KIAA0753: variants seen among roughly 807,000 people sequenced by gnomAD.
KIAA0753 encodes the protein KIAA0753.
In KIAA0753, 114 loss-of-function variants were observed where a neutral mutation model predicts 116.9. The observed-to-expected ratio is 0.98, with a 90% CI of 0.84 to 1.14. The LOEUF (loss-of-function observed/expected upper bound fraction) is 1.14. KIAA0753 is among the 50% of genes most tolerant of loss of function. KIAA0753 has a pLI of 0.00. For missense variants in KIAA0753, 1,156 were observed against 1,172.4 expected (o/e 0.99, Z 0.20); for synonymous variants, 405 against 413.1 (o/e 0.98, Z 0.24).
In KIAA0753 at chr17:6,608,280, G is replaced by A. The variant is rs1970317453; in HGVS notation, c.1829+68C>T. On this transcript the variant is annotated intron_variant, in intron 10 of 18. Transcript: ENST00000361413. ...TTAAATGTAGGAAAGAGAAGAAAGG[G>A]TTCACTTCCAAGTCTATGTAAAAGG... The A allele has an allele frequency of 6.4e-6, 4 of 625,228 alleles. No individual in the cohort carries two copies. The South Asian group carries it at 1.4e-4, about 22-fold the overall frequency. 38.7% of individuals were successfully genotyped at this position (625,228 alleles called of 1,614,324 possible). A position where few individuals can be genotyped will look rare whatever the true frequency, so the allele number is the denominator to read the frequency against.
At chr17:6,607,306 C>T in intron 10 of KIAA0753, 36 bp from the exon 11 acceptor site, 4 of 1,537,058 alleles carry the variant, frequency 2.6e-6, no homozygotes, top group Non-Finnish European at 3.6e-6. Context: ...CCAATTCTGC[C>T]TCGACACTGC....
At chr17:6,637,856 C>G (rs369587586) in intron 1 of KIAA0753, 1 of 152,988 alleles carries the variant, frequency 6.5e-6, no homozygotes, top group East Asian at 1.9e-4. Flanking sequence ...CCCACAGTGC[C>G]AGGCATTCCT....
rs943682883 is a variant in KIAA0753 at position 6,639,881 on chromosome 17, C to T, written c.-69+756G>A. 3 of 153,198 alleles carry T rather than the reference C, an allele frequency of 2.0e-5. No individual in the cohort carries two copies. Among genetic ancestry groups the T allele is most frequent in the East Asian group, 1.9e-4 (1 of 5,184 alleles). The allele number at this position is 153,198 out of a possible 1,614,324, so 9.5% of individuals were successfully genotyped here. A position where few individuals can be genotyped will look rare whatever the true frequency, so the allele number is the denominator to read the frequency against. On this transcript the variant is annotated intron_variant, in intron 1 of 18. Transcript: ENST00000361413. This position sits in a 1 kb window ranked among gnomAD's most constrained non-coding sequence, Gnocchi z 4.3. ...CTCTCGCAGCCCCGGGGACTTCTAT[C>T]TTCGGTCTCCTCCTCCCCAGACCCG...
chr17:6,621,826 C>A lies in KIAA0753; in HGVS notation c.1105-828G>T, dbSNP rs556447367. Among the ~76,000 whole-genome samples the A allele has an allele frequency of 2.0e-5, 3 of 152,236 alleles. No homozygotes were observed. The East Asian group carries it at 5.8e-4, about 29-fold the overall frequency. On this transcript the variant is annotated intron_variant, in intron 6 of 18. Transcript: ENST00000361413. ...TATTTTGGCCAATAAATGTTTCTTA[C>A]GGATACGTTAAAAAAGCATCACATG...
chr17:6,590,205 T>TA (rs1968892937), intron 17 of KIAA0753, among the ~76,000 whole-genome samples: 1 of 152,236 alleles, frequency 6.6e-6, no homozygotes, highest in Admixed American at 6.5e-5. Context: ...ATCTGTCCCT[T>TA]AAACAACAGC....
At position 6,596,141 on chromosome 17, in the gene KIAA0753, G is replaced by A. The variant is rs777706241; in HGVS notation, c.2358+17C>T. 1.9e-5 allele frequency: 30 copies of A among 1,607,978 alleles called. No individual in the cohort carries two copies. Among genetic ancestry groups the A allele is most frequent in the African/African-American group, 5.3e-5 (4 of 74,794 alleles). On this transcript the variant is annotated intron_variant, in intron 15 of 18. Coordinates refer to ENST00000361413, the MANE Select transcript of KIAA0753 (RefSeq NM_014804.3). ...CAGCCCCTAGCAGCGAACCAGACCC[G>A]GAGCCCCAGACCTTACTTCCATCTC... is the stretch of plus-strand genomic sequence containing the variant.
At chr17:6,594,350 A>C (rs975349927) in intron 16 of KIAA0753, among the ~76,000 whole-genome samples, 1 of 151,832 alleles carries the variant, frequency 6.6e-6, no homozygotes, top group African/African-American at 2.4e-5. Flanking sequence ...AACTTGTTAC[A>C]AACTTAAATT....
At chr17:6,580,899 T>TACACACACACACAC (rs33914667) in intron 18 of KIAA0753, among the ~76,000 whole-genome samples, 111 of 144,028 alleles carry the variant, frequency 7.7e-4, no homozygotes, top group African/African-American at 2.2e-3. Context: ...TGCTCCTCTG[T>TACACACACACACAC]ACACACACAC....
At chr17:6,627,912 C>A (rs1437582674) in intron 3 of KIAA0753, among the ~76,000 whole-genome samples, 5 of 152,128 alleles carry the variant, frequency 3.3e-5, no homozygotes, top group African/African-American at 1.2e-4. Context: ...TCTTTCATGT[C>A]CCTCCGCTGG....
At position 6,614,540 on chromosome 17, in the gene KIAA0753, T is replaced by C. The variant is rs143671395; in HGVS notation, c.1316-2392A>G. On this transcript the variant is annotated intron_variant, in intron 7 of 18. Coordinates refer to ENST00000361413, the MANE Select transcript of KIAA0753 (RefSeq NM_014804.3). ...GGTAAGCAAACTGCAAAATGATGCATACTGTAAGATATTTACATAAAACAA... is the reference window on the plus strand; with the variant it reads ...GGTAAGCAAACTGCAAAATGATGCACACTGTAAGATATTTACATAAAACAA... Among the ~76,000 whole-genome samples, 463 of 151,938 alleles carry C rather than the reference T, an allele frequency of 3.0e-3. 3 individuals are homozygous for C. Among genetic ancestry groups the C allele is most frequent in the African/African-American group, 0.011 (438 of 41,480 alleles).
intron 18 of KIAA0753, among the ~76,000 whole-genome samples, chr17:6,589,238 C>A (rs908231597): frequency 2.0e-5 from 3 of 152,148 alleles, no homozygotes; most frequent in Admixed American, 6.5e-5. Flanking sequence ...GGGATCAGTG[C>A]CCTTCTGAGA....
Position 6,590,489 on chromosome 17 carries a change from G to T in KIAA0753, c.2561+21C>A, listed in dbSNP as rs777910351. 1.9e-6 allele frequency: 3 copies of T among 1,613,280 alleles called. No homozygotes were observed. In the South Asian group the frequency reaches 3.3e-5, roughly 18 times the overall value. ...AAGGTGACTGACTAGAATGAAATCA[G>T]AAAGTGTCTTTGCCACTTACTTGCC... On this transcript the variant is annotated intron_variant, in intron 17 of 18. Coordinates refer to ENST00000361413, the MANE Select transcript of KIAA0753 (RefSeq NM_014804.3).
rs138160338 is a variant in KIAA0753, at chr17:6,618,834, C to G, written c.1315+1954G>C. ...TAAATTACAACAAAGAAAAAAACTT[C>G]GGCAAATGAAAAACAAAATCAGGTA... On this transcript the variant is annotated intron_variant, in intron 7 of 18. Coordinates refer to ENST00000361413, the MANE Select transcript of KIAA0753 (RefSeq NM_014804.3). 3.8e-3 allele frequency among the ~76,000 whole-genome samples: 584 copies of G among 152,064 alleles called. 6 individuals are homozygous for G. The highest frequency in any genetic ancestry group is 0.013 in the African/African-American group (549 of 41,460).
chr17:6,579,826 A>G lies in KIAA0753; in HGVS notation c.2825T>C (p.Val942Ala). The G allele has an allele frequency of 6.2e-7, 1 of 1,613,996 alleles. No individual in the cohort carries two copies. The highest frequency in any genetic ancestry group is 1.1e-5 in the South Asian group (1 of 91,088). Residue 942 changes from valine to alanine, a missense_variant, in exon 19 of 19, where the codon GTG (valine) becomes GCG (alanine). Transcript: ENST00000361413. The part of the protein sequence containing the change: ...EELVDEALGA[V>A]AAELQDMCED... ...GCACATATCCTGAAGTTCAGCAGCC[A>G]CAGCACCCAGAGCTTCATCTACCAG...
Position 6,596,022 on chromosome 17 carries a change from A to G in KIAA0753, c.2358+136T>C, listed in dbSNP as rs574001802. 5 of 799,874 alleles carry G rather than the reference A, an allele frequency of 6.3e-6. No individual in the cohort carries two copies. The South Asian group carries it at 9.1e-5, about 15-fold the overall frequency. 49.5% of individuals were successfully genotyped at this position (799,874 alleles called of 1,614,324 possible). A position where few individuals can be genotyped will look rare whatever the true frequency, so the allele number is the denominator to read the frequency against. ...TTGACGATACCAAGGTCATACAGTT[A>G]GTTGGCAATAGAGCAGGGATTTAAA... On this transcript the variant is annotated intron_variant, in intron 15 of 18. Coordinates refer to ENST00000361413, the MANE Select transcript of KIAA0753 (RefSeq NM_014804.3).
chr17:6,593,870 G>A (rs2150764633), intron 16 of KIAA0753, among the ~76,000 whole-genome samples: 1 of 152,296 alleles, frequency 6.6e-6, no homozygotes, highest in South Asian at 2.1e-4. Flanking sequence ...GGGGAACAGA[G>A]TGAAACTGTG....
intron 7 of KIAA0753, among the ~76,000 whole-genome samples, chr17:6,615,734 A>AT (rs1970878790): frequency 6.6e-6 from 1 of 151,510 alleles, no homozygotes; most frequent in Admixed American, 6.6e-5. Context: ...TCTAGTAATG[A>AT]TTTGCATAAA....
chr17:6,616,122 A>T (rs1385504952), intron 7 of KIAA0753, among the ~76,000 whole-genome samples: 2 of 152,150 alleles, frequency 1.3e-5, no homozygotes, highest in East Asian at 3.9e-4. Flanking sequence ...AAAACAACAA[A>T]TATAAAATAA....
In KIAA0753 at chr17:6,628,183, C is replaced by G. The variant is rs550649513; in HGVS notation, c.652G>C (p.Glu218Gln). Reference protein sequence around the residue: ...KNISEQKSLLEVQRLQKELSS... With the variant: ...KNISEQKSLLQVQRLQKELSS... ...AGTTCTTTCTGGAGTCGCTGGACTT[C>G]TAGCAGGCTTTTCTGTTCACTTATG... is the stretch of plus-strand genomic sequence containing the variant. The change falls in exon 3 of 19, where the codon GAA becomes CAA. Residue 218 changes from glutamate (E) to glutamine (Q), a missense_variant. Physicochemically the swap from Glu to Gln is conservative, Grantham distance 29. Transcript: ENST00000361413. The G allele has an allele frequency of 4.7e-5, 76 of 1,613,904 alleles. 3 individuals carry two copies. The South Asian group carries it at 8.0e-4, about 17-fold the overall frequency.
Sources: allele counts gnomAD v4.1 joint callset (sites outside exome capture counted in the v4.1 genomes callset), GRCh38; gene constraint gnomAD v4.1.1; non-coding constraint Gnocchi (gnomAD v3.1); transcripts MANE v1.5; gene names NCBI Gene and HGNC (gene_info 2026-07-23, HGNC 2026-07-21).